CTNNBL1: variants seen among roughly 807,000 people sequenced by gnomAD.
The protein encoded by CTNNBL1 is catenin beta like 1, also known as beta-catenin-like protein 1.
A neutral mutation model predicts 72.7 loss-of-function variants in CTNNBL1; 31 were observed. The ratio of observed to expected loss-of-function variants is 0.43; its 90% CI spans 0.32 to 0.58. The LOEUF is 0.58. Among genes scored for constraint, CTNNBL1 ranks in the 20% least tolerant of loss-of-function variants. The pLI is 0.08. For synonymous variants in CTNNBL1, 240 were observed against 267.3 expected, an observed-to-expected ratio of 0.90 and a Z score of 1.00; for missense variants, 534 against 725.1, an observed-to-expected ratio of 0.74 and a Z score of 3.03.
chr20:37,870,023 A>C (rs1201264336), intron 15 of CTNNBL1, among the ~76,000 whole-genome samples: 2 of 151,950 alleles, frequency 1.3e-5, no homozygotes, highest in African/African-American at 2.4e-5. Context: ...AAAAAAAAAA[A>C]AAACAGGGTG....
In CTNNBL1 at chr20:37,736,945, C is replaced by T. The variant is rs6122947; in HGVS notation, c.220-433C>T. Among the ~76,000 whole-genome samples, 90 of 152,098 alleles carry T rather than the reference C, an allele frequency of 5.9e-4. 2 individuals carry two copies. In the East Asian group the frequency reaches 0.016, roughly 27 times the overall value. On this transcript the variant is annotated intron_variant, in intron 2 of 15. Transcript: ENST00000361383. ...AGAGAGATAAAGTGTGTACTGTGGC[C>T]GGGCACAGTGGCTCACACCTGTAAT...
chr20:37,860,495 C>A (rs1055632931), intron 15 of CTNNBL1, 151 bp downstream of exon 15: 10 of 671,996 alleles, frequency 1.5e-5, no homozygotes, highest in East Asian at 1.1e-4. Context: ...TCCAGGTCGT[C>A]TTTGTCAGAA....
At chr20:37,813,091 C>T (rs1461609514) in intron 11 of CTNNBL1, among the ~76,000 whole-genome samples, 1 of 152,196 alleles carries the variant, frequency 6.6e-6, no homozygotes, top group Non-Finnish European at 1.5e-5. Context: ...TCTGGAATCT[C>T]ATTGAAAATG....
intron 12 of CTNNBL1, among the ~76,000 whole-genome samples, chr20:37,841,568 A>G (rs375514177): frequency 2.6e-5 from 4 of 152,300 alleles, no homozygotes; most frequent in African/African-American, 9.6e-5. Flanking sequence ...CTATTAAGCA[A>G]TCAGTATCAG....
In CTNNBL1 at chr20:37,742,321, C is replaced by T. The variant is rs2073224021; in HGVS notation, c.327-4147C>T. Among the ~76,000 whole-genome samples the T allele has an allele frequency of 2.0e-5, 3 of 152,192 alleles. No individual in the cohort carries two copies. The South Asian group carries it at 6.2e-4, about 32-fold the overall frequency. On this transcript the variant is annotated intron_variant, in intron 3 of 15. Transcript: ENST00000361383. ...TGGCAGCTGTTTTCATCTGTGCCCC[C>T]ATTTACAGGCATCTCCCAAGTTTCT...
chr20:37,719,419 G>A (rs969489585), intron 1 of CTNNBL1, among the ~76,000 whole-genome samples: 4 of 152,144 alleles, frequency 2.6e-5, no homozygotes, highest in Non-Finnish European at 4.4e-5. Context: ...CAGCCACAGC[G>A]CTAACCGGAA....
chr20:37,737,367 C>G lies in CTNNBL1; in HGVS notation c.220-11C>G, dbSNP rs2073180082. ...TGGACTGAAGTTTTTGCATTTGTCT[C>G]TTTGTACCAGGAGGAGCCATTGGAT... On this transcript the variant is annotated splice_polypyrimidine_tract_variant and intron_variant, in intron 2 of 15. Transcript: ENST00000361383. The G allele has an allele frequency of 9.4e-6, 15 of 1,602,940 alleles. No homozygotes were observed. The highest frequency in any genetic ancestry group is 1.3e-5 in the Non-Finnish European group (15 of 1,171,102).
At chr20:37,841,890 T>G (rs1357091950) in intron 12 of CTNNBL1, among the ~76,000 whole-genome samples, 2 of 152,162 alleles carry the variant, frequency 1.3e-5, no homozygotes, top group Non-Finnish European at 2.9e-5. Flanking sequence ...ACTCAGGCAT[T>G]TTTAAAAAAA....
At chr20:37,712,980 A>C (rs2072951804) in intron 1 of CTNNBL1, among the ~76,000 whole-genome samples, 1 of 152,172 alleles carries the variant, frequency 6.6e-6, no homozygotes, top group African/African-American at 2.4e-5. Context: ...AGTTTTTATA[A>C]GATTTTAGAG....
At chr20:37,777,464 G>A in intron 8 of CTNNBL1, 47 bp downstream of exon 8, 1 of 1,582,634 alleles carries the variant, frequency 6.3e-7, no homozygotes, top group South Asian at 1.1e-5. Context: ...TAGGAGCCAG[G>A]CTTGTTTCAG....
At chr20:37,696,352 G>A (rs2072791020) in intron 1 of CTNNBL1, among the ~76,000 whole-genome samples, 1 of 151,178 alleles carries the variant, frequency 6.6e-6, no homozygotes, top group Non-Finnish European at 1.5e-5. Flanking sequence ...CTTAAAATGT[G>A]ACTAGTTTCG....
At position 37,771,504 on chromosome 20, in the gene CTNNBL1, A is replaced by G. The variant is rs6020797; in HGVS notation, c.750+3460A>G. ...ATCCCACCTTCTCTGCCTCTTACCC[A>G]GGCCCAGTTTGACCTTTTCATTTTC... On this transcript the variant is annotated intron_variant, in intron 7 of 15. Transcript: ENST00000361383. Among the ~76,000 whole-genome samples the G allele has an allele frequency of 3.2e-3, 494 of 152,038 alleles. 6 individuals are homozygous for G. The highest frequency in any genetic ancestry group is 0.011 in the African/African-American group (445 of 41,490).
At chr20:37,849,484 A>G (rs2072377026) in intron 13 of CTNNBL1, among the ~76,000 whole-genome samples, 1 of 152,156 alleles carries the variant, frequency 6.6e-6, no homozygotes, top group Non-Finnish European at 1.5e-5. Flanking sequence ...CCTTCTAGAC[A>G]TTGGCCCATT....
intron 11 of CTNNBL1, among the ~76,000 whole-genome samples, chr20:37,834,145 A>G (rs774324779): frequency 6.6e-6 from 1 of 152,206 alleles, no homozygotes; most frequent in Non-Finnish European, 1.5e-5. Flanking sequence ...ATGTGCTGCC[A>G]AAGAAGATGG....
intron 9 of CTNNBL1, 117 bp from the exon 10 acceptor site, chr20:37,779,070 G>T (rs1251183910): frequency 1.6e-5 from 15 of 937,612 alleles, no homozygotes; most frequent in Non-Finnish European, 2.5e-5. Flanking sequence ...TGTTTGGTGA[G>T]CTTCTGTTTC....
chr20:37,703,531 A>C (rs2072861094), intron 1 of CTNNBL1, among the ~76,000 whole-genome samples: 2 of 152,192 alleles, frequency 1.3e-5, no homozygotes, highest in Admixed American at 1.3e-4. Flanking sequence ...AGAAGAACTC[A>C]TTCATTCTTT....
intron 4 of CTNNBL1, among the ~76,000 whole-genome samples, chr20:37,755,705 T>G (rs919340976): frequency 6.6e-6 from 1 of 152,220 alleles, no homozygotes; most frequent in African/African-American, 2.4e-5. Context: ...TGTTCTTATA[T>G]TCTGCATCTT....
At chr20:37,857,858 C>T (rs1007002072) in intron 13 of CTNNBL1, among the ~76,000 whole-genome samples, 1 of 152,182 alleles carries the variant, frequency 6.6e-6, no homozygotes, top group Non-Finnish European at 1.5e-5. Flanking sequence ...CAGAACAAGT[C>T]CCCACACCGA....
chr20:37,859,887 A>G lies in CTNNBL1; in HGVS notation c.1393-12A>G, dbSNP rs1426233348. On this transcript the variant is annotated splice_polypyrimidine_tract_variant and intron_variant, in intron 13 of 15. Coordinates refer to ENST00000361383, the MANE Select transcript of CTNNBL1 (RefSeq NM_030877.5). Reference sequence around the variant, plus strand: ...GTCCAGCTTTTATTCCTAAACGTTCATTTGTTTCTAGGACATGGTCCGGCG... The same window carrying G: ...GTCCAGCTTTTATTCCTAAACGTTCGTTTGTTTCTAGGACATGGTCCGGCG... The G allele has an allele frequency of 1.2e-6, 2 of 1,613,238 alleles. No individual in the cohort carries two copies. The highest frequency in any genetic ancestry group is 8.5e-7 in the Non-Finnish European group (1 of 1,179,556).
Sources: allele counts gnomAD v4.1 joint callset (sites outside exome capture counted in the v4.1 genomes callset), GRCh38; gene constraint gnomAD v4.1.1; transcripts MANE v1.5; gene names NCBI Gene and HGNC (gene_info 2026-07-23, HGNC 2026-07-21).